Variants in EXOC6 observed in about 807,000 individuals in gnomAD.
EXOC6 encodes the protein exocyst complex component 6.
A neutral mutation model predicts 112.5 loss-of-function variants in EXOC6; 60 were observed. The observed-to-expected ratio is 0.53, with a 90% confidence interval of 0.43 to 0.66. The LOEUF (loss-of-function observed/expected upper bound fraction) is 0.66. Ranked by LOEUF, EXOC6 falls within the 30% of genes least tolerant of loss-of-function variation. The probability of loss-of-function intolerance (pLI) is 0.00; values close to 1 mark genes in which losing one functional copy is unlikely to be tolerated. For missense variants in EXOC6, 855 were observed against 957.1 expected (o/e 0.89, Z 1.41); for synonymous variants, 295 against 308.0 (o/e 0.96, Z 0.44).
chr10:92,958,819 G>C (rs2085937581), intron 17 of EXOC6, among the ~76,000 whole-genome samples: 1 of 152,118 alleles, frequency 6.6e-6, no homozygotes, highest in Non-Finnish European at 1.5e-5. Flanking sequence ...AATGAGGCTG[G>C]GTGCAGTGGC....
intron 1 of EXOC6, among the ~76,000 whole-genome samples, chr10:92,884,971 A>G (rs1564800307): frequency 6.6e-6 from 1 of 152,210 alleles, no homozygotes; most frequent in Non-Finnish European, 1.5e-5. Flanking sequence ...GTAGTTTCTC[A>G]GTTAAGACAT....
At chr10:92,832,215 T>C (rs558859014), upstream of EXOC6, among the ~76,000 whole-genome samples, 82 of 152,358 alleles carry the variant, frequency 5.4e-4, no homozygotes, top group Middle Eastern at 0.01. Flanking sequence ...GCTAGTAGCT[T>C]TCACAATCAT....
chr10:92,848,461 T>G, upstream of EXOC6: 1 of 686,356 alleles, frequency 1.5e-6, no homozygotes, highest in Non-Finnish European at 1.9e-6. Flanking sequence ...CCCTTCGCGC[T>G]CGCGCCACTT....
intron 10 of EXOC6, 48 bp downstream of exon 10, chr10:92,934,238 AAAT>A: frequency 1.3e-6 from 2 of 1,529,966 alleles, no homozygotes; most frequent in Non-Finnish European, 1.8e-6. Flanking sequence ...ATATTATGTT[AAAT>A]GCCAGAAATA....
At chr10:92,908,926 A>T (rs1202190093) in intron 5 of EXOC6, among the ~76,000 whole-genome samples, 2 of 151,966 alleles carry the variant, frequency 1.3e-5, no homozygotes, top group Admixed American at 6.6e-5. Context: ...TGTGTGTGTG[A>T]TACTTAACAG....
chr10:93,042,174 A>T (rs746991727), intron 20 of EXOC6, among the ~76,000 whole-genome samples: 2 of 152,200 alleles, frequency 1.3e-5, no homozygotes, highest in Non-Finnish European at 2.9e-5. Context: ...TTTCCCCATA[A>T]GCATAACTGT....
intron 17 of EXOC6, among the ~76,000 whole-genome samples, chr10:92,966,559 A>T (rs985421587): frequency 6.6e-6 from 1 of 150,484 alleles, no homozygotes; most frequent in South Asian, 2.1e-4. Context: ...GGTCCTTGCG[A>T]TAGTTTACTG....
At chr10:93,042,616 G>T (rs1845832757) in intron 20 of EXOC6, among the ~76,000 whole-genome samples, 1 of 152,166 alleles carries the variant, frequency 6.6e-6, no homozygotes, top group Non-Finnish European at 1.5e-5. Context: ...AGGAAATTTA[G>T]TAGGGCACAG....
chr10:92,922,102 C>T (rs901243725), intron 8 of EXOC6, among the ~76,000 whole-genome samples: 5 of 151,888 alleles, frequency 3.3e-5, no homozygotes, highest in African/African-American at 9.7e-5. Flanking sequence ...CCTGCCACCA[C>T]GCCTGACTAA....
chr10:92,838,542 G>C lies in EXOC6; in HGVS notation c.86+3718G>C, dbSNP rs1304704676. ...TTGAAGGAAAGATAGTTTCAGGAGAGAGCTGAGACTCTATACTTTTCCCAA... is the reference window on the plus strand; with the variant it reads ...TTGAAGGAAAGATAGTTTCAGGAGACAGCTGAGACTCTATACTTTTCCCAA... On this transcript the variant is annotated intron_variant, in intron 1 of 21. Transcript: ENST00000371552. Among the ~76,000 whole-genome samples the C allele has an allele frequency of 2.0e-5, 3 of 152,198 alleles. No individual in the cohort carries two copies. In the South Asian group the frequency reaches 6.2e-4, roughly 32 times the overall value.
intron 9 of EXOC6, among the ~76,000 whole-genome samples, chr10:92,928,781 AAAAC>A (rs568287345): frequency 3.9e-5 from 6 of 152,338 alleles, no homozygotes; most frequent in South Asian, 2.1e-4. Context: ...ATAGACATTT[AAAAC>A]AAACAAACAA....
At chr10:92,975,921 G>C (rs1281412575) in intron 18 of EXOC6, among the ~76,000 whole-genome samples, 73 of 132,810 alleles carry the variant, frequency 5.5e-4, no homozygotes, top group South Asian at 9.7e-4. Flanking sequence ...AGGGAGGTGG[G>C]GGGGTCAGCC....
chr10:92,968,891 TG>T (rs1295876219), intron 17 of EXOC6, among the ~76,000 whole-genome samples: 1 of 152,182 alleles, frequency 6.6e-6, no homozygotes, highest in Non-Finnish European at 1.5e-5. Flanking sequence ...AAAACCGTTT[TG>T]TTTTTTTCTA....
At chr10:92,944,768 G>A (rs1038720658) in intron 13 of EXOC6, among the ~76,000 whole-genome samples, 4 of 143,214 alleles carry the variant, frequency 2.8e-5, no homozygotes, top group African/African-American at 1.1e-4. Context: ...GTGATACCTC[G>A]TTGTATTTTT....
intron 13 of EXOC6, among the ~76,000 whole-genome samples, chr10:92,946,310 C>T (rs1447603723): frequency 1.3e-5 from 2 of 151,788 alleles, no homozygotes; most frequent in Non-Finnish European, 2.9e-5. Flanking sequence ...AAAAGAATCG[C>T]TTGAACCCGG....
intron 1 of EXOC6, among the ~76,000 whole-genome samples, chr10:92,842,133 G>A (rs1846878057): frequency 6.6e-6 from 1 of 152,160 alleles, no homozygotes; most frequent in Admixed American, 6.5e-5. Flanking sequence ...GGCCGAGGCA[G>A]GCAGATCATG....
chr10:93,053,765 C>T (rs572057296), intron 20 of EXOC6, among the ~76,000 whole-genome samples: 3 of 152,380 alleles, frequency 2.0e-5, no homozygotes, highest in Admixed American at 1.3e-4. Flanking sequence ...AGTGGTTAGA[C>T]TGTGCTAGAC....
At chr10:92,883,764 C>CT (rs1313414671) in intron 1 of EXOC6, among the ~76,000 whole-genome samples, 1 of 152,102 alleles carries the variant, frequency 6.6e-6, no homozygotes. Flanking sequence ...ATTTGAAAAA[C>CT]TGGCAGAAAA....
chr10:93,040,278 C>G (rs1318356907), intron 20 of EXOC6, among the ~76,000 whole-genome samples: 1 of 152,134 alleles, frequency 6.6e-6, no homozygotes, highest in Non-Finnish European at 1.5e-5. Flanking sequence ...GAGACGGAGT[C>G]TCACTTGTTG....
Sources: gnomAD v4.1 joint callset for allele counts (sites outside exome capture counted in the v4.1 genomes callset) on GRCh38, gnomAD v4.1.1 for gene constraint, MANE v1.5 for transcripts, NCBI Gene and HGNC (gene_info 2026-07-23, HGNC 2026-07-21) for gene names.